Variants in JMJD1C observed in about 807,000 individuals in gnomAD.
The protein encoded by JMJD1C is jumonji domain-containing protein 1C.
A neutral mutation model predicts 245.3 loss-of-function variants in JMJD1C; 31 were observed. The observed-to-expected ratio is 0.13, with a 90% CI of 0.09 to 0.17. The LOEUF (loss-of-function observed/expected upper bound fraction) is 0.17. Ranked by LOEUF, JMJD1C falls within the 10% of genes least tolerant of loss-of-function variation. The pLI is 1.00. For missense variants in JMJD1C, 2,691 were observed against 3,000.2 expected, an observed-to-expected ratio of 0.90 and a Z score of 2.41; for synonymous variants, 1,057 against 1,017.4, an observed-to-expected ratio of 1.04 and a Z score of -0.74.
chr10:63,292,439 CG>C (rs2133947997), intron 2 of JMJD1C, among the ~76,000 whole-genome samples: 1 of 151,154 alleles, frequency 6.6e-6, no homozygotes, highest in East Asian at 2.0e-4. Context: ...GGCGAAACCC[CG>C]TCTCTAGTAA....
intron 1 of JMJD1C, 127 bp downstream of exon 1, chr10:63,465,368 T>G: frequency 1.0e-6 from 1 of 993,202 alleles, no homozygotes; most frequent in Non-Finnish European, 1.4e-6. Flanking sequence ...GCGCCAAGGG[T>G]TCAGCAGAGG....
chr10:63,216,643 G>A (rs1439171401), intron 5 of JMJD1C, among the ~76,000 whole-genome samples: 1 of 152,142 alleles, frequency 6.6e-6, no homozygotes, highest in African/African-American at 2.4e-5. Context: ...CCAGGTGGTG[G>A]AGCTTACAGT....
At chr10:63,461,825 T>C (rs898901919) in intron 1 of JMJD1C, among the ~76,000 whole-genome samples, 4 of 152,146 alleles carry the variant, frequency 2.6e-5, no homozygotes, top group African/African-American at 7.2e-5. Flanking sequence ...TATGGATGAA[T>C]GGATGGATAG....
intron 2 of JMJD1C, among the ~76,000 whole-genome samples, chr10:63,316,444 C>G (rs890545990): frequency 6.6e-6 from 1 of 151,936 alleles, no homozygotes; most frequent in Admixed American, 6.6e-5. Flanking sequence ...TTCTTTTATT[C>G]TGTATATAAT....
intron 2 of JMJD1C, among the ~76,000 whole-genome samples, chr10:63,313,708 A>G (rs368410967): frequency 1.1e-4 from 16 of 152,302 alleles, no homozygotes; most frequent in East Asian, 5.8e-4. Flanking sequence ...GCATTTTTTA[A>G]TAAGTTTGTT....
intron 3 of JMJD1C, among the ~76,000 whole-genome samples, chr10:63,229,534 A>G (rs1849717962): frequency 6.6e-6 from 1 of 152,228 alleles, no homozygotes; most frequent in Admixed American, 6.5e-5. Context: ...AAATATGCTT[A>G]GTCTTTCTAA....
intron 24 of JMJD1C, among the ~76,000 whole-genome samples, chr10:63,173,668 G>GTCA (rs1310487047): frequency 3.9e-5 from 6 of 152,074 alleles, no homozygotes; most frequent in African/African-American, 1.4e-4. Flanking sequence ...ATTACAGTGA[G>GTCA]CTATGACTGT....
intron 2 of JMJD1C, among the ~76,000 whole-genome samples, chr10:63,308,949 T>C (rs1366014065): frequency 2.6e-5 from 4 of 152,040 alleles, no homozygotes; most frequent in Non-Finnish European, 5.9e-5. Flanking sequence ...CTATATGCTT[T>C]TAGAAAGAAA....
At chr10:63,360,434 T>A (rs552502241) in intron 2 of JMJD1C, among the ~76,000 whole-genome samples, 4 of 152,356 alleles carry the variant, frequency 2.6e-5, no homozygotes, top group African/African-American at 9.6e-5. Flanking sequence ...CCTAATCTAC[T>A]CTGTGGATAT....
At chr10:63,219,815 A>C in intron 4 of JMJD1C, 63 bp downstream of exon 4, 2 of 1,179,170 alleles carry the variant, frequency 1.7e-6, no homozygotes, top group Non-Finnish European at 2.5e-6. Flanking sequence ...TGAATAACCA[A>C]AAACAAATAT....
intron 8 of JMJD1C, among the ~76,000 whole-genome samples, chr10:63,212,777 T>G (rs1847514991): frequency 1.3e-5 from 2 of 151,800 alleles, no homozygotes; most frequent in Non-Finnish European, 2.9e-5. Context: ...TTATAAAAAT[T>G]TTAGAAATTT....
chr10:63,243,571 A>AAAT (rs1479215201), intron 3 of JMJD1C, among the ~76,000 whole-genome samples: 2 of 152,204 alleles, frequency 1.3e-5, no homozygotes, highest in Non-Finnish European at 2.9e-5. Context: ...TTCTGATTTT[A>AAAT]AATAATATTA....
At position 63,219,993 on chromosome 10, in the gene JMJD1C, T is replaced by G; in HGVS notation, c.448-10A>C. ...GGCTGTCTATGTCGTCCTAGAATTA[T>G]AGATTAAAAGAAAGGTCCATGTTAC... On this transcript the variant is annotated splice_polypyrimidine_tract_variant and intron_variant, in intron 3 of 25. Coordinates refer to ENST00000399262, the MANE Select transcript of JMJD1C (RefSeq NM_032776.3). 1 of 1,598,788 alleles carries G rather than the reference T, an allele frequency of 6.3e-7. No homozygotes were observed. Among genetic ancestry groups the G allele is most frequent in the Non-Finnish European group, 8.6e-7 (1 of 1,167,376 alleles).
chr10:63,378,513 AC>A (rs1201402344), intron 2 of JMJD1C, among the ~76,000 whole-genome samples: 2 of 152,048 alleles, frequency 1.3e-5, no homozygotes, highest in East Asian at 1.9e-4. Context: ...AACTGCGTGA[AC>A]CCGGGAGGCA....
intron 1 of JMJD1C, among the ~76,000 whole-genome samples, chr10:63,442,847 G>GT (rs145167863): frequency 6.6e-6 from 1 of 151,966 alleles, no homozygotes; most frequent in Non-Finnish European, 1.5e-5. Flanking sequence ...TAAGTATTGA[G>GT]TTTTTTTTCC....
At chr10:63,302,377 C>T (rs557421104) in intron 2 of JMJD1C, among the ~76,000 whole-genome samples, 2 of 152,228 alleles carry the variant, frequency 1.3e-5, no homozygotes, top group African/African-American at 2.4e-5. Context: ...ATACTCATAA[C>T]CAGCAATGAA....
At chr10:63,449,394 A>G (rs942290802) in intron 1 of JMJD1C, among the ~76,000 whole-genome samples, 1 of 152,178 alleles carries the variant, frequency 6.6e-6, no homozygotes, top group Non-Finnish European at 1.5e-5. Context: ...AGATTTAAGA[A>G]GCTAGTAACA....
chr10:63,365,485 T>C (rs1358010658), intron 2 of JMJD1C, among the ~76,000 whole-genome samples: 1 of 152,168 alleles, frequency 6.6e-6, no homozygotes, highest in African/African-American at 2.4e-5. Flanking sequence ...GATTCAGTAA[T>C]TCAGGCCAGG....
At chr10:63,242,096 T>C (rs953998861) in intron 3 of JMJD1C, among the ~76,000 whole-genome samples, 7 of 152,110 alleles carry the variant, frequency 4.6e-5, no homozygotes, top group Non-Finnish European at 1.0e-4. Context: ...AATAATTACT[T>C]TAGGAAACAG....
Sources: gnomAD v4.1 joint callset for allele counts (sites outside exome capture counted in the v4.1 genomes callset) on GRCh38, gnomAD v4.1.1 for gene constraint, MANE v1.5 for transcripts, NCBI Gene and HGNC (gene_info 2026-07-23, HGNC 2026-07-21) for gene names.